Variants in PDE1A observed in about 807,000 individuals in gnomAD.
The protein encoded by PDE1A is dual specificity calcium/calmodulin-dependent 3',5'-cyclic nucleotide phosphodiesterase 1A.
In PDE1A, 35 loss-of-function variants were observed where a neutral mutation model predicts 61.7. The observed-to-expected ratio is 0.57, with a 90% CI of 0.43 to 0.75. PDE1A has a LOEUF of 0.75. Ranked by LOEUF, PDE1A falls within the 30% of genes least tolerant of loss-of-function variation. The pLI, the probability that PDE1A is intolerant of heterozygous loss-of-function variation, is 0.00. For missense variants in PDE1A, 597 were observed against 630.6 expected (o/e 0.95, Z 0.57); for synonymous variants, 232 against 213.2 (o/e 1.09, Z -0.77).
chr2:182,495,192 C>T (rs1688636544), intron 2 of PDE1A, among the ~76,000 whole-genome samples: 1 of 152,206 alleles, frequency 6.6e-6, no homozygotes, highest in African/African-American at 2.4e-5. Flanking sequence ...CTGACAAAGG[C>T]AGCTCCAGTC....
downstream of PDE1A, among the ~76,000 whole-genome samples, chr2:182,164,992 G>T (rs541660460): frequency 6.6e-6 from 1 of 151,972 alleles, no homozygotes; most frequent in East Asian, 1.9e-4. Context: ...CATGCTCATA[G>T]AATTCACTGG....
chr2:182,580,260 C>T, the PDE1A span, among the ~76,000 whole-genome samples: 2 of 152,114 alleles, frequency 1.3e-5, no homozygotes, highest in African/African-American at 2.4e-5. Context: ...CAAAGTACCA[C>T]AGACCAGGTA....
chr2:182,190,793 T>C (rs1004200657), intron 10 of PDE1A, among the ~76,000 whole-genome samples: 1 of 151,954 alleles, frequency 6.6e-6, no homozygotes, highest in Admixed American at 6.6e-5. Context: ...CCGTCTCTAC[T>C]ATAAATACAA....
the PDE1A span, among the ~76,000 whole-genome samples, chr2:182,548,717 T>C: frequency 6.6e-6 from 1 of 152,208 alleles, no homozygotes; most frequent in Non-Finnish European, 1.5e-5. Flanking sequence ...CCTTTGGTAA[T>C]TCCCTAGTTC....
chr2:182,425,631 C>T (rs993412726), intron 1 of PDE1A, among the ~76,000 whole-genome samples: 9 of 152,040 alleles, frequency 5.9e-5, no homozygotes, highest in Non-Finnish European at 8.8e-5. Context: ...TTATATTCCT[C>T]GAGGTCTACT....
At chr2:182,567,524 C>T in the PDE1A span, among the ~76,000 whole-genome samples, 1 of 152,146 alleles carries the variant, frequency 6.6e-6, no homozygotes, top group African/African-American at 2.4e-5. Flanking sequence ...TATGTCTTCT[C>T]GTCTTCCTTC....
the PDE1A span, among the ~76,000 whole-genome samples, chr2:182,560,220 C>T: frequency 2.6e-5 from 3 of 114,344 alleles, no homozygotes; most frequent in African/African-American, 3.3e-5. Context: ...CCCCTCCCCC[C>T]ACCCCACAAC....
At chr2:182,185,566 GGAAAGCACCTCTAC>G (rs1166258901) in intron 13 of PDE1A, among the ~76,000 whole-genome samples, 1 of 152,152 alleles carries the variant, frequency 6.6e-6, no homozygotes, top group African/African-American at 2.4e-5. Context: ...AATCCAGGCT[GGAAAGCACCTCTAC>G]GAAAGCACAG....
the PDE1A span, among the ~76,000 whole-genome samples, chr2:182,656,558 G>T: frequency 2.9e-3 from 434 of 152,208 alleles, no homozygotes; most frequent in Admixed American, 7.3e-3. Flanking sequence ...CTGAGCCCTG[G>T]GATGAGATTT....
In PDE1A at chr2:182,225,000, C is replaced by T. The variant is rs575104889; in HGVS notation, c.676-1036G>A. ...ACACTTAAAACAATAAAAGACTTTG[C>T]GAAAAACAACAGAAAGAGATCATGT... On this transcript the variant is annotated intron_variant, in intron 6 of 13. Coordinates refer to ENST00000351439, the Ensembl canonical transcript of PDE1A. Among the ~76,000 whole-genome samples the T allele has an allele frequency of 2.6e-3, 398 of 151,762 alleles. 1 individual carries two copies. Among genetic ancestry groups the T allele is most frequent in the African/African-American group, 9.2e-3 (381 of 41,432 alleles).
At chr2:182,255,089 T>C (rs1446779729) in intron 2 of PDE1A, among the ~76,000 whole-genome samples, 1 of 152,088 alleles carries the variant, frequency 6.6e-6, no homozygotes, top group African/African-American at 2.4e-5. Context: ...GGAAATACTG[T>C]CACCATCTTG....
chr2:182,159,253 T>A (rs1046575166), intron 13 of PDE1A, among the ~76,000 whole-genome samples: 1 of 152,196 alleles, frequency 6.6e-6, no homozygotes, highest in African/African-American at 2.4e-5. Flanking sequence ...GTGACAGGTA[T>A]ATGAAGTGGC....
At chr2:182,323,003 T>C (rs1696797637) in intron 1 of PDE1A, among the ~76,000 whole-genome samples, 1 of 152,202 alleles carries the variant, frequency 6.6e-6, no homozygotes, top group South Asian at 2.1e-4. Flanking sequence ...GAATACTCAA[T>C]ATTCTGAGTG....
intron 11 of PDE1A, among the ~76,000 whole-genome samples, chr2:182,187,779 C>T (rs1284088858): frequency 9.0e-6 from 1 of 111,076 alleles, no homozygotes; most frequent in African/African-American, 3.5e-5. Flanking sequence ...GAGTCTCACT[C>T]TGTTGCCCAG....
At chr2:182,449,278 C>G (rs970457174) in intron 2 of PDE1A, among the ~76,000 whole-genome samples, 1 of 150,004 alleles carries the variant, frequency 6.7e-6, no homozygotes, top group African/African-American at 2.5e-5. Context: ...ATTAACTCAA[C>G]TTTACCAAAA....
the PDE1A span, among the ~76,000 whole-genome samples, chr2:182,683,584 A>C: frequency 6.6e-6 from 1 of 152,184 alleles, no homozygotes; most frequent in Non-Finnish European, 1.5e-5. Flanking sequence ...TTCTAACCCC[A>C]AATACAAACT....
the PDE1A span, among the ~76,000 whole-genome samples, chr2:182,624,940 T>G: frequency 6.6e-6 from 1 of 152,054 alleles, no homozygotes; most frequent in African/African-American, 2.4e-5. Flanking sequence ...TGCAACCCCC[T>G]GCTTGTGCCC....
the PDE1A span, among the ~76,000 whole-genome samples, chr2:182,546,070 G>C: frequency 6.6e-6 from 1 of 152,226 alleles, no homozygotes; most frequent in East Asian, 1.9e-4. Flanking sequence ...TATTTGAATT[G>C]GTTCTCCAGC....
At chr2:182,357,875 T>C (rs575715015) in intron 1 of PDE1A, among the ~76,000 whole-genome samples, 2 of 152,340 alleles carry the variant, frequency 1.3e-5, no homozygotes, top group Admixed American at 1.3e-4. Flanking sequence ...ATAAATGGAC[T>C]TTTATCAGTA....
Sources: gnomAD v4.1 joint callset for allele counts (sites outside exome capture counted in the v4.1 genomes callset) on GRCh38, gnomAD v4.1.1 for gene constraint, MANE v1.5 for transcripts, NCBI Gene and HGNC (gene_info 2026-07-23, HGNC 2026-07-21) for gene names.